NEGR1: variants seen among roughly 807,000 people sequenced by gnomAD.
NEGR1 encodes the protein neuronal growth regulator 1.
In NEGR1, 10 loss-of-function variants were observed where a neutral mutation model predicts 40.9. That is an observed-to-expected ratio of 0.24 (90% CI 0.15 to 0.42). The LOEUF (loss-of-function observed/expected upper bound fraction) is 0.42. NEGR1 is among the 10% of genes least tolerant of loss of function. NEGR1 has a pLI of 1.00. For missense variants in NEGR1, 352 were observed against 438.9 expected (o/e 0.80, Z 1.77); for synonymous variants, 185 against 166.8 (o/e 1.11, Z -0.84).
chr1:71,981,683 T>C (rs1390236776), intron 1 of NEGR1, among the ~76,000 whole-genome samples: 1 of 152,024 alleles, frequency 6.6e-6, no homozygotes, highest in African/African-American at 2.4e-5. Flanking sequence ...GACAAGGAGA[T>C]GTCATTATGG....
intron 4 of NEGR1, among the ~76,000 whole-genome samples, chr1:71,654,660 C>T (rs550192637): frequency 1.6e-4 from 24 of 152,146 alleles, no homozygotes; most frequent in Admixed American, 1.2e-3. Flanking sequence ...TAAGATAGAA[C>T]ACAAGATTTA....
chr1:71,802,207 T>A (rs569655391), intron 2 of NEGR1, among the ~76,000 whole-genome samples: 1 of 151,910 alleles, frequency 6.6e-6, no homozygotes, highest in African/African-American at 2.4e-5. Flanking sequence ...GAAGAAGAAA[T>A]TATTAACAGA....
chr1:71,787,184 G>C (rs891138062), intron 2 of NEGR1, among the ~76,000 whole-genome samples: 3 of 152,162 alleles, frequency 2.0e-5, no homozygotes, highest in African/African-American at 4.8e-5. Flanking sequence ...CCACGTTTGG[G>C]CACAGTTTTT....
chr1:71,605,856 T>G (rs749786739), intron 5 of NEGR1, among the ~76,000 whole-genome samples: 1 of 152,186 alleles, frequency 6.6e-6, no homozygotes, highest in East Asian at 1.9e-4. Flanking sequence ...AGAGGTAATA[T>G]TTTAATAACT....
intron 3 of NEGR1, among the ~76,000 whole-genome samples, chr1:71,742,354 G>C (rs1281096855): frequency 6.6e-6 from 1 of 152,096 alleles, no homozygotes; most frequent in Non-Finnish European, 1.5e-5. Context: ...ATAGAGACAG[G>C]ATAACTGCCC....
chr1:71,643,431 G>T (rs963432526), intron 4 of NEGR1, among the ~76,000 whole-genome samples: 1 of 151,922 alleles, frequency 6.6e-6, no homozygotes, highest in African/African-American at 2.4e-5. Context: ...ACATTGCAAA[G>T]ATAGGCAACA....
chr1:72,083,076 G>A (rs558101934), intron 1 of NEGR1, among the ~76,000 whole-genome samples: 2 of 152,130 alleles, frequency 1.3e-5, no homozygotes, highest in East Asian at 3.9e-4. Context: ...AATACCCCAT[G>A]ATTTTAAAAT....
At chr1:72,021,852 G>C (rs1646759423) in intron 1 of NEGR1, among the ~76,000 whole-genome samples, 1 of 152,066 alleles carries the variant, frequency 6.6e-6, no homozygotes, top group African/African-American at 2.4e-5. Context: ...GTAGAAACAA[G>C]AGGCTGGGCA....
chr1:72,129,052 G>A (rs529266285), intron 1 of NEGR1, among the ~76,000 whole-genome samples: 8 of 152,218 alleles, frequency 5.3e-5, no homozygotes, highest in African/African-American at 1.9e-4. Flanking sequence ...GCCTGTGGAT[G>A]AGGACTTGAA....
chr1:71,996,447 G>A (rs1646505292), intron 1 of NEGR1, among the ~76,000 whole-genome samples: 1 of 152,006 alleles, frequency 6.6e-6, no homozygotes, highest in African/African-American at 2.4e-5. Flanking sequence ...AACCCCTGAG[G>A]ACCTAATCAG....
chr1:72,034,906 G>A (rs1038355513), intron 1 of NEGR1, among the ~76,000 whole-genome samples: 16 of 152,122 alleles, frequency 1.1e-4, no homozygotes, highest in African/African-American at 3.9e-4. Flanking sequence ...GCTTTTATAT[G>A]TAAATGCCAG....
chr1:72,061,865 C>A (rs1362793516), intron 1 of NEGR1, among the ~76,000 whole-genome samples: 1 of 151,694 alleles, frequency 6.6e-6, no homozygotes, highest in African/African-American at 2.4e-5. Flanking sequence ...GATGCCCACC[C>A]TTTTGTGTTC....
intron 2 of NEGR1, among the ~76,000 whole-genome samples, chr1:71,876,753 AG>A (rs879560940): frequency 6.6e-6 from 1 of 152,196 alleles, no homozygotes; most frequent in Non-Finnish European, 1.5e-5. Context: ...AGGGAGTGGA[AG>A]AAACTGAAGT....
rs112651850 is a variant in NEGR1 at position 72,098,976 on chromosome 1, G to A, written c.177-163665C>T. Among the ~76,000 whole-genome samples the A allele has an allele frequency of 6.5e-3, 990 of 151,786 alleles. 14 individuals are homozygous for A. The highest frequency in any genetic ancestry group is 0.023 in the African/African-American group (948 of 41,456). ...ATTAACAGATTTTATACTAAAATTC[G>A]CAGCAATGTAAAATTTGGAATTTAG... On this transcript the variant is annotated intron_variant, in intron 1 of 6. Transcript: ENST00000357731.
intron 1 of NEGR1, among the ~76,000 whole-genome samples, chr1:72,135,143 G>C (rs551630147): frequency 1.3e-5 from 2 of 150,586 alleles, no homozygotes; most frequent in South Asian, 4.2e-4. Flanking sequence ...TTGGGAGGCC[G>C]AGATGGGAGG....
At chr1:72,203,753 T>C (rs1239001435) in intron 1 of NEGR1, among the ~76,000 whole-genome samples, 1 of 151,994 alleles carries the variant, frequency 6.6e-6, no homozygotes, top group Non-Finnish European at 1.5e-5. Context: ...TTTGAAGAAA[T>C]TTCCCCAGCC....
chr1:71,766,071 G>C (rs1052753813), intron 3 of NEGR1, among the ~76,000 whole-genome samples: 5 of 151,840 alleles, frequency 3.3e-5, no homozygotes, highest in Non-Finnish European at 5.9e-5. Flanking sequence ...CTACTCGGGA[G>C]GCTGAGGCAG....
chr1:71,530,117 T>C (rs1647307372), intron 6 of NEGR1, among the ~76,000 whole-genome samples: 1 of 151,346 alleles, frequency 6.6e-6, no homozygotes, highest in Non-Finnish European at 1.5e-5. Flanking sequence ...TATTAGGAAA[T>C]ATGAGATCTG....
intron 2 of NEGR1, among the ~76,000 whole-genome samples, chr1:71,791,495 A>T (rs1250174645): frequency 3.3e-5 from 5 of 152,002 alleles, no homozygotes; most frequent in Non-Finnish European, 4.4e-5. Flanking sequence ...TGGCTTTTTT[A>T]AAAAAATATT....
Sources: allele counts gnomAD v4.1 joint callset (sites outside exome capture counted in the v4.1 genomes callset), GRCh38; gene constraint gnomAD v4.1.1; transcripts MANE v1.5; gene names NCBI Gene and HGNC (gene_info 2026-07-23, HGNC 2026-07-21).